The following ROR1 variants were observed in gnomAD, a reference collection of about 807,000 sequenced individuals.
ROR1 encodes ROR family WNT receptor 1, also known as inactive tyrosine-protein kinase transmembrane receptor ROR1.
In ROR1, 19 loss-of-function variants were observed where a neutral mutation model predicts 78.8. That is an observed-to-expected ratio of 0.24 (90% CI 0.17 to 0.35). The LOEUF (loss-of-function observed/expected upper bound fraction) is 0.35, where lower values mean the gene tolerates loss of function less well. Ranked by LOEUF, ROR1 falls within the 10% of genes least tolerant of loss-of-function variation. ROR1 has a pLI of 1.00. For synonymous variants in ROR1, 386 were observed against 433.6 expected (o/e 0.89, Z 1.36); for missense variants, 917 against 1,177.8 (o/e 0.78, Z 3.24).
At chr1:63,942,870 A>T (rs543055287) in intron 1 of ROR1, among the ~76,000 whole-genome samples, 1 of 152,140 alleles carries the variant, frequency 6.6e-6, no homozygotes, top group Non-Finnish European at 1.5e-5. Context: ...CCAGAAGATC[A>T]TATGAGCCCA....
chr1:64,156,705 CAAAA>C (rs140451468), intron 7 of ROR1, among the ~76,000 whole-genome samples: 20 of 92,612 alleles, frequency 2.2e-4, no homozygotes, highest in Admixed American at 2.3e-4. Context: ...GACTCCGTCT[CAAAA>C]AAAAAAAAAA....
At chr1:64,033,306 G>C (rs74967066) in intron 2 of ROR1, among the ~76,000 whole-genome samples, 1 of 152,002 alleles carries the variant, frequency 6.6e-6, no homozygotes, top group African/African-American at 2.4e-5. Flanking sequence ...TTGCATATAC[G>C]TGGTTGCATC....
intron 1 of ROR1, among the ~76,000 whole-genome samples, chr1:63,839,776 C>T (rs1051595988): frequency 1.3e-5 from 2 of 151,528 alleles, no homozygotes; most frequent in African/African-American, 2.4e-5. Flanking sequence ...ACTATTTTTT[C>T]CAAGTCTTTA....
In ROR1 at chr1:64,175,019, A is replaced by T. The variant is rs547494464; in HGVS notation, c.1387-2409A>T. On this transcript the variant is annotated intron_variant, in intron 8 of 8. Transcript: ENST00000371079. ...TTCGCCTATTGTTTTTTTTTTTTTA[A>T]AAAAATAGTTATTTAATTTAAAAAA... is the stretch of plus-strand genomic sequence containing the variant. Among the ~76,000 whole-genome samples, 315 of 150,614 alleles carry T rather than the reference A, an allele frequency of 2.1e-3. 5 individuals carry two copies. The highest frequency in any genetic ancestry group is 6.8e-3 in the African/African-American group (280 of 41,204).
chr1:63,867,802 C>T (rs1258223860), intron 1 of ROR1, among the ~76,000 whole-genome samples: 1 of 152,258 alleles, frequency 6.6e-6, no homozygotes, highest in Non-Finnish European at 1.5e-5. Flanking sequence ...CCATAGGTTA[C>T]TGTTGGACCA....
intron 4 of ROR1, among the ~76,000 whole-genome samples, chr1:64,073,363 G>T (rs1477113069): frequency 6.6e-6 from 1 of 151,968 alleles, no homozygotes; most frequent in Non-Finnish European, 1.5e-5. Flanking sequence ...TTTCTCCATG[G>T]TAAATGCAAG....
chr1:63,878,304 T>G (rs1357689000), intron 1 of ROR1, among the ~76,000 whole-genome samples: 1 of 152,236 alleles, frequency 6.6e-6, no homozygotes, highest in Non-Finnish European at 1.5e-5. Flanking sequence ...AGCGTTTTTA[T>G]ATACCTTTAC....
At chr1:63,939,782 CCTT>C (rs1183904267) in intron 1 of ROR1, among the ~76,000 whole-genome samples, 1 of 152,128 alleles carries the variant, frequency 6.6e-6, no homozygotes, top group East Asian at 1.9e-4. Context: ...CTCCATTTCT[CCTT>C]CTCTTTCCTG....
rs72683083 is a variant in ROR1, at chr1:63,934,842, C to T, written c.92-74463C>T. 7.3e-3 allele frequency among the ~76,000 whole-genome samples: 1,117 copies of T among 152,176 alleles called. 8 individuals are homozygous for T. The highest frequency in any genetic ancestry group is 0.012 in the Non-Finnish European group (828 of 68,006). On this transcript the variant is annotated intron_variant, in intron 1 of 8. Coordinates refer to ENST00000371079, the MANE Select transcript of ROR1 (RefSeq NM_005012.4). ...AATTGGCCTTTCAGACTGAGCCTGCCATAGATTTTCTGAGGATTTAGATGA... is the reference window on the plus strand; with the variant it reads ...AATTGGCCTTTCAGACTGAGCCTGCTATAGATTTTCTGAGGATTTAGATGA...
intron 1 of ROR1, among the ~76,000 whole-genome samples, chr1:63,948,071 A>G (rs1028779777): frequency 6.6e-6 from 1 of 152,188 alleles, no homozygotes; most frequent in Non-Finnish European, 1.5e-5. Flanking sequence ...CAGAATCGTT[A>G]GATCACTTGG....
At chr1:64,083,595 G>GAA (rs1241939075) in intron 4 of ROR1, among the ~76,000 whole-genome samples, 19 of 118,942 alleles carry the variant, frequency 1.6e-4, no homozygotes, top group African/African-American at 5.1e-4. Flanking sequence ...GAGAGAGAGA[G>GAA]AAAAAAAAAA....
chr1:64,113,609 A>G (rs1648198669), intron 4 of ROR1: 1 of 152,152 alleles, frequency 6.6e-6, no homozygotes, highest in Admixed American at 6.6e-5. Context: ...AGACAAGAGA[A>G]CTTTGGGGTG....
intron 1 of ROR1, among the ~76,000 whole-genome samples, chr1:63,937,772 G>A (rs1241593697): frequency 6.6e-6 from 1 of 152,186 alleles, no homozygotes; most frequent in African/African-American, 2.4e-5. Context: ...TATTTCATTA[G>A]TGTGTTTTTA....
chr1:64,089,381 T>G (rs1647177600), intron 4 of ROR1, among the ~76,000 whole-genome samples: 1 of 152,000 alleles, frequency 6.6e-6, no homozygotes, highest in Non-Finnish European at 1.5e-5. Flanking sequence ...AGCTAATTTT[T>G]CGTATTTTTG....
At chr1:64,120,000 A>C (rs1648470014) in intron 4 of ROR1, among the ~76,000 whole-genome samples, 1 of 152,178 alleles carries the variant, frequency 6.6e-6, no homozygotes. Context: ...AATGGTGGAA[A>C]TGTGTGTATT....
At chr1:63,898,726 C>T (rs900205044) in intron 1 of ROR1, among the ~76,000 whole-genome samples, 10 of 151,930 alleles carry the variant, frequency 6.6e-5, no homozygotes, top group East Asian at 1.9e-4. Context: ...AGAGAGAGAA[C>T]GAGAACACAG....
At chr1:64,123,111 C>G (rs1648600129) in intron 4 of ROR1, among the ~76,000 whole-genome samples, 1 of 152,188 alleles carries the variant, frequency 6.6e-6, no homozygotes, top group Non-Finnish European at 1.5e-5. Context: ...TATCTCTCCT[C>G]ACATGGTCTC....
At position 63,864,146 on chromosome 1, in the gene ROR1, A is replaced by T. The variant is rs184469616; in HGVS notation, c.91+89638A>T. Among the ~76,000 whole-genome samples, 36 of 152,284 alleles carry T rather than the reference A, an allele frequency of 2.4e-4. No individual in the cohort carries two copies. The East Asian group carries it at 6.6e-3, about 28-fold the overall frequency. ...TCATCCCTATTTTAGAGATAAGACAACCGAGGTACAAGAAATTAAGTAAAA... is the reference window on the plus strand; with the variant it reads ...TCATCCCTATTTTAGAGATAAGACATCCGAGGTACAAGAAATTAAGTAAAA... On this transcript the variant is annotated intron_variant, in intron 1 of 8. Transcript: ENST00000371079.
chr1:64,039,619 A>G (rs1197404183), intron 2 of ROR1, among the ~76,000 whole-genome samples: 1 of 152,224 alleles, frequency 6.6e-6, no homozygotes, highest in Non-Finnish European at 1.5e-5. Context: ...TTGCATTTGC[A>G]TGACATAGAA....
Sources: allele counts gnomAD v4.1 joint callset (sites outside exome capture counted in the v4.1 genomes callset), GRCh38; gene constraint gnomAD v4.1.1; transcripts MANE v1.5; gene names NCBI Gene and HGNC (gene_info 2026-07-23, HGNC 2026-07-21).